Variants in LRIG1 observed in about 807,000 individuals in gnomAD.
The protein encoded by LRIG1 is leucine-rich repeats and immunoglobulin-like domains protein 1.
In LRIG1, 48 loss-of-function variants were observed where a neutral mutation model predicts 99.2. That is an observed-to-expected ratio of 0.48 (90% CI 0.38 to 0.62). The LOEUF is 0.62. LRIG1 is among the 20% of genes least tolerant of loss of function. LRIG1 has a pLI of 0.00. For missense variants in LRIG1, 1,646 were observed against 1,434.4 expected, an observed-to-expected ratio of 1.15 and a Z score of -2.38; for synonymous variants, 772 against 596.1, an observed-to-expected ratio of 1.29 and a Z score of -4.30.
At chr3:66,449,388 C>T (rs1019907584) in intron 3 of LRIG1, among the ~76,000 whole-genome samples, 1 of 152,198 alleles carries the variant, frequency 6.6e-6, no homozygotes, top group Non-Finnish European at 1.5e-5. Context: ...AGCTGGCTGC[C>T]AGTGCTAACC....
chr3:66,383,083 G>T lies in LRIG1; in HGVS notation c.2390C>A (p.Thr797Asn), dbSNP rs1286807761. 1 of 1,614,254 alleles carries T rather than the reference G, an allele frequency of 6.2e-7. No individual in the cohort carries two copies. The highest frequency in any genetic ancestry group is 8.5e-7 in the Non-Finnish European group (1 of 1,180,038). ...RKDGTTVGIFTIAVVSSIVLT... is the reference protein window; with the variant it reads ...RKDGTTVGIFNIAVVSSIVLT... ...GACGATGCTGCTCACGACAGCAATG[G>T]TGAAGATGCCTACCGTGGTCCCATC... Residue 797 changes from threonine to asparagine, a missense_variant, in exon 15 of 19, where the codon ACC (threonine) becomes AAC (asparagine). Transcript: ENST00000273261.
At chr3:66,457,371 G>T (rs943510865) in intron 2 of LRIG1, among the ~76,000 whole-genome samples, 2 of 151,640 alleles carry the variant, frequency 1.3e-5, no homozygotes, top group Non-Finnish European at 2.9e-5. Context: ...TTATCAGTGA[G>T]AAGTTCTACT....
intron 15 of LRIG1, 143 bp from the exon 16 acceptor site, chr3:66,382,541 G>T: frequency 2.1e-6 from 2 of 937,270 alleles, no homozygotes; most frequent in Non-Finnish European, 3.4e-6. Flanking sequence ...GTCCATGTAC[G>T]CAACAGGCCC....
chr3:66,459,891 G>A (rs769552095), intron 2 of LRIG1, among the ~76,000 whole-genome samples: 9 of 152,124 alleles, frequency 5.9e-5, no homozygotes, highest in Admixed American at 2.0e-4. Context: ...CAACAGCACC[G>A]TGTGAAGCCA....
In LRIG1 at chr3:66,380,281, C is replaced by A; in HGVS notation, c.3264G>T (p.Leu1088=). ...ACAAAACCTAGCTTTTTGGTGCCAACAGCAGTGGCACCCTCTGTTTCCCGG... is the reference window on the plus strand; with the variant it reads ...ACAAAACCTAGCTTTTTGGTGCCAAAAGCAGTGGCACCCTCTGTTTCCCGG... ...QLPGKQRVPL[L]LAPKS is the part of the protein sequence containing the mutation. Residue 1088 remains leucine, a synonymous_variant, in exon 19 of 19, where the codon CTG becomes CTT. Transcript: ENST00000273261. The A allele has an allele frequency of 6.2e-7, 1 of 1,612,480 alleles. No individual in the cohort carries two copies. Among genetic ancestry groups the A allele is most frequent in the African/African-American group, 1.3e-5 (1 of 74,978 alleles).
At chr3:66,468,201 T>C (rs981707772) in intron 1 of LRIG1, among the ~76,000 whole-genome samples, 1 of 152,162 alleles carries the variant, frequency 6.6e-6, no homozygotes, top group African/African-American at 2.4e-5. Flanking sequence ...AGTTGAGGGA[T>C]AAAAAGTTGT....
In LRIG1 at chr3:66,398,040, G is replaced by A. The variant is rs74419200; in HGVS notation, c.1304+72C>T. ...TGAACTTTTAACAAGTGAGCATAAT[G>A]CAATTGCAGAAGTTTCTTACTCTGA... is the stretch of plus-strand genomic sequence containing the variant. On this transcript the variant is annotated intron_variant, in intron 11 of 18. Transcript: ENST00000273261. The A allele has an allele frequency of 1.5e-3, 1,824 of 1,207,998 alleles. 16 individuals are homozygous for A. The African/African-American group carries it at 0.021, about 14-fold the overall frequency. The allele number at this position is 1,207,998 out of a possible 1,614,324, so 74.8% of individuals were successfully genotyped here.
At chr3:66,489,061 G>A (rs1701040166) in intron 1 of LRIG1, among the ~76,000 whole-genome samples, 1 of 152,128 alleles carries the variant, frequency 6.6e-6, no homozygotes, top group Admixed American at 6.6e-5. Flanking sequence ...TGGGCCAGAG[G>A]GGAAAAGGAG....
intron 1 of LRIG1, among the ~76,000 whole-genome samples, chr3:66,497,624 G>T (rs1320886325): frequency 7.2e-6 from 1 of 138,532 alleles, no homozygotes. Context: ...TATTCACACT[G>T]CATTTACATT....
chr3:66,462,015 C>A lies in LRIG1; in HGVS notation c.290+423G>T, dbSNP rs185225072. On this transcript the variant is annotated intron_variant, in intron 2 of 18. Transcript: ENST00000273261. ...ATCCCAGCACATTGGGAGGCCAAGG[C>A]GCGCAGATCACATGAGGCCAGAGTT... Among the ~76,000 whole-genome samples, 109 of 152,252 alleles carry A rather than the reference C, an allele frequency of 7.2e-4. No homozygotes were observed. In the East Asian group the frequency reaches 0.017, roughly 24 times the overall value.
intron 7 of LRIG1, among the ~76,000 whole-genome samples, chr3:66,408,729 G>A (rs1702362342): frequency 6.6e-6 from 1 of 152,110 alleles, no homozygotes; most frequent in Non-Finnish European, 1.5e-5. Context: ...GTCACAGCTT[G>A]ACTACAGAGC....
At chr3:66,431,445 G>T (rs1286203238) in intron 3 of LRIG1, among the ~76,000 whole-genome samples, 1 of 152,198 alleles carries the variant, frequency 6.6e-6, no homozygotes, top group Non-Finnish European at 1.5e-5. Flanking sequence ...ACGTTGGAGG[G>T]TATCAGGAGG....
chr3:66,413,305 C>T (rs1702527574), intron 5 of LRIG1, among the ~76,000 whole-genome samples: 1 of 152,200 alleles, frequency 6.6e-6, no homozygotes, highest in Non-Finnish European at 1.5e-5. Context: ...CGTGTGTGCT[C>T]ACGTCTCCTC....
At chr3:66,444,617 C>A (rs2106787870) in intron 3 of LRIG1, among the ~76,000 whole-genome samples, 1 of 152,334 alleles carries the variant, frequency 6.6e-6, no homozygotes, top group Middle Eastern at 3.4e-3. Context: ...AACTCATGAG[C>A]AAAGCAAATT....
intron 3 of LRIG1, among the ~76,000 whole-genome samples, chr3:66,419,287 T>G (rs185098869): frequency 6.7e-4 from 102 of 152,164 alleles, no homozygotes; most frequent in African/African-American, 2.3e-3. Context: ...AGTCTTTGTC[T>G]GTGGTCCGGT....
chr3:66,455,267 C>T (rs1700185639), intron 2 of LRIG1, among the ~76,000 whole-genome samples: 1 of 152,136 alleles, frequency 6.6e-6, no homozygotes, highest in African/African-American at 2.4e-5. Flanking sequence ...TATTTATTTA[C>T]TCATTAAATA....
intron 3 of LRIG1, among the ~76,000 whole-genome samples, chr3:66,443,775 CA>C (rs1302318117): frequency 6.6e-6 from 1 of 152,224 alleles, no homozygotes; most frequent in Non-Finnish European, 1.5e-5. Context: ...GCCAACTTCA[CA>C]GCAGCCGTGC....
intron 3 of LRIG1, among the ~76,000 whole-genome samples, chr3:66,433,126 G>A (rs1470256402): frequency 6.6e-6 from 1 of 152,178 alleles, no homozygotes; most frequent in South Asian, 2.1e-4. Flanking sequence ...TAAAGGCACA[G>A]AACTGAGCAC....
chr3:66,437,028 C>A (rs943042186), intron 3 of LRIG1, among the ~76,000 whole-genome samples: 32 of 152,314 alleles, frequency 2.1e-4, no homozygotes, highest in African/African-American at 5.8e-4. Flanking sequence ...CCCTCAATGC[C>A]ATCTACTGGC....
Sources: gnomAD v4.1 joint callset for allele counts (sites outside exome capture counted in the v4.1 genomes callset) on GRCh38, gnomAD v4.1.1 for gene constraint, MANE v1.5 for transcripts, NCBI Gene and HGNC (gene_info 2026-07-23, HGNC 2026-07-21) for gene names.